Variants in DDHD1 observed in about 807,000 individuals in gnomAD.
DDHD1 encodes phospholipase DDHD1.
A neutral mutation model predicts 96.4 loss-of-function variants in DDHD1; 49 were observed. The ratio of observed to expected loss-of-function variants is 0.51; its 90% CI spans 0.40 to 0.64. DDHD1 has a LOEUF of 0.64. Among genes scored for constraint, DDHD1 ranks in the 30% least tolerant of loss-of-function variants. DDHD1 has a pLI of 0.00. For synonymous variants in DDHD1, 442 were observed against 446.5 expected, an observed-to-expected ratio of 0.99 and a Z score of 0.13; for missense variants, 1,106 against 1,161.2, an observed-to-expected ratio of 0.95 and a Z score of 0.69.
At chr14:53,057,764 G>T (rs945370062) in intron 9 of DDHD1, among the ~76,000 whole-genome samples, 2 of 152,124 alleles carry the variant, frequency 1.3e-5, no homozygotes, top group Admixed American at 1.3e-4. Context: ...TATCTCATGA[G>T]CCCTAAATTA....
At chr14:53,092,010 A>C (rs1886470225) in intron 3 of DDHD1, 78 bp from the exon 4 acceptor site, 1 of 1,416,546 alleles carries the variant, frequency 7.1e-7, no homozygotes, top group Middle Eastern at 1.9e-4. Context: ...AAGAAAAAAA[A>C]GAAGTAAAAG....
At chr14:53,128,764 A>T (rs1240186053) in intron 1 of DDHD1, among the ~76,000 whole-genome samples, 1 of 152,200 alleles carries the variant, frequency 6.6e-6, no homozygotes, top group East Asian at 1.9e-4. Context: ...TCTGAGCCCA[A>T]GCTGAGCCAT....
chr14:53,076,241 A>C (rs1884951339), intron 4 of DDHD1, among the ~76,000 whole-genome samples: 1 of 152,174 alleles, frequency 6.6e-6, no homozygotes, highest in Non-Finnish European at 1.5e-5. Flanking sequence ...TCAGTGATTC[A>C]TGGGGGGTGA....
At chr14:53,067,703 C>T (rs1566534044) in intron 6 of DDHD1, among the ~76,000 whole-genome samples, 2 of 152,306 alleles carry the variant, frequency 1.3e-5, no homozygotes, top group South Asian at 4.1e-4. Context: ...GTGATCCACC[C>T]GCCTTGGCCT....
chr14:53,104,564 T>C (rs1184957265), intron 1 of DDHD1, among the ~76,000 whole-genome samples: 3 of 152,132 alleles, frequency 2.0e-5, no homozygotes, highest in Non-Finnish European at 4.4e-5. Flanking sequence ...TAGAGGCTTC[T>C]AGTACATATA....
intron 1 of DDHD1, among the ~76,000 whole-genome samples, chr14:53,118,070 CCTGA>C (rs543930870): frequency 2.6e-4 from 39 of 152,278 alleles, no homozygotes; most frequent in African/African-American, 7.7e-4. Context: ...AGCTGAGGGA[CCTGA>C]CTGTCAGAAG....
chr14:53,153,163 A>C lies in DDHD1; in HGVS notation c.-65T>G. 1 of 1,200,464 alleles carries C rather than the reference A, an allele frequency of 8.3e-7. No homozygotes were observed. The highest frequency in any genetic ancestry group is 1.1e-6 in the Non-Finnish European group (1 of 924,894). 74.4% of individuals were successfully genotyped at this position (1,200,464 alleles called of 1,614,324 possible). A position where few individuals can be genotyped will look rare whatever the true frequency, so the allele number is the denominator to read the frequency against. On this transcript the variant is annotated 5_prime_UTR_variant, in exon 1 of 13. Coordinates refer to ENST00000673822, the MANE Select transcript of DDHD1 (RefSeq NM_001160148.2). The stretch of plus-strand genomic sequence containing the variant: ...CCGTGACCCCCAGCGCTTCCGCCAC[A>C]CATTCAACGCCGCCGCCCTCTCCAC...
rs1284477882 is a variant in DDHD1 at position 53,042,441 on chromosome 14, T to A, written c.*4327A>T. On this transcript the variant is annotated 3_prime_UTR_variant, in exon 13 of 13. Coordinates refer to ENST00000673822, the MANE Select transcript of DDHD1 (RefSeq NM_001160148.2). ...TTAGTTTTTCATGGAGTTTGCTGCC[T>A]TTCACTTCACTTTTCATGACCTTTA... 2 of 152,220 alleles carry A rather than the reference T, an allele frequency of 1.3e-5. No homozygotes were observed. The highest frequency in any genetic ancestry group is 2.9e-5 in the Non-Finnish European group (2 of 68,030). The allele number at this position is 152,220 out of a possible 1,614,324, so 9.4% of individuals were successfully genotyped here.
chr14:53,144,964 A>T (rs1890875481), intron 1 of DDHD1, among the ~76,000 whole-genome samples: 1 of 152,076 alleles, frequency 6.6e-6, no homozygotes, highest in African/African-American at 2.4e-5. Flanking sequence ...AGGCTTACCA[A>T]CATGGTGAAA....
chr14:53,092,685 A>G (rs561179415), intron 3 of DDHD1: 2 of 152,180 alleles, frequency 1.3e-5, no homozygotes, highest in Non-Finnish European at 2.9e-5. Flanking sequence ...TCTACAAAAA[A>G]ATAAAAAAAA....
At position 53,146,187 on chromosome 14, in the gene DDHD1, A is replaced by G. The variant is rs376785561; in HGVS notation, c.838+6074T>C. On this transcript the variant is annotated intron_variant, in intron 1 of 12. Coordinates refer to ENST00000673822, the MANE Select transcript of DDHD1 (RefSeq NM_001160148.2). ...CGCCATTGCACTTCAGCCTGGGCAA[A>G]TAAGAGTGAAACTCCATCTCAAAAC... Among the ~76,000 whole-genome samples the G allele has an allele frequency of 2.9e-5, 4 of 139,204 alleles. No homozygotes were observed. In the South Asian group the frequency reaches 9.2e-4, roughly 32 times the overall value. 91.3% of individuals were successfully genotyped at this position (139,204 alleles called of 152,430 possible). A position where few individuals can be genotyped will look rare whatever the true frequency, so the allele number is the denominator to read the frequency against.
intron 1 of DDHD1, among the ~76,000 whole-genome samples, chr14:53,149,513 T>C (rs142383689): frequency 5.3e-5 from 8 of 152,318 alleles, no homozygotes; most frequent in African/African-American, 1.9e-4. Flanking sequence ...TGTGAAAACT[T>C]ACACACAGAG....
rs1189947586 is a variant in DDHD1 at position 53,038,126 on chromosome 14, A to C, written c.*8642T>G. The C allele has an allele frequency of 6.6e-6, 1 of 152,138 alleles. No individual in the cohort carries two copies. The highest frequency in any genetic ancestry group is 1.5e-5 in the Non-Finnish European group (1 of 68,022). 9.4% of individuals were successfully genotyped at this position (152,138 alleles called of 1,614,324 possible). Reference sequence around the variant, plus strand: ...AAAAGCTGGAACTATTCCTTCTGAGAACTGGAATAAGAAGAGGATGCCCAG... The same window carrying C: ...AAAAGCTGGAACTATTCCTTCTGAGCACTGGAATAAGAAGAGGATGCCCAG... On this transcript the variant is annotated 3_prime_UTR_variant, in exon 13 of 13. Transcript: ENST00000673822.
intron 1 of DDHD1, among the ~76,000 whole-genome samples, chr14:53,142,467 A>C (rs930358812): frequency 2.0e-5 from 3 of 152,198 alleles, no homozygotes; most frequent in Admixed American, 6.5e-5. Context: ...TGGCAAAAAA[A>C]AAAAAAAAAC....
intron 1 of DDHD1, among the ~76,000 whole-genome samples, chr14:53,114,378 C>G (rs1344527625): frequency 6.6e-6 from 1 of 152,196 alleles, no homozygotes; most frequent in Non-Finnish European, 1.5e-5. Flanking sequence ...TACAGTGCAC[C>G]AGCTCTGCTA....
chr14:53,062,418 A>C (rs1168775449), intron 7 of DDHD1, among the ~76,000 whole-genome samples: 1 of 152,120 alleles, frequency 6.6e-6, no homozygotes, highest in East Asian at 1.9e-4. Context: ...GGAATGCAGC[A>C]AAGAATTAAA....
intron 2 of DDHD1, among the ~76,000 whole-genome samples, chr14:53,102,567 A>C (rs891379306): frequency 2.6e-5 from 4 of 152,098 alleles, no homozygotes; most frequent in African/African-American, 9.7e-5. Context: ...ATAGACTTTT[A>C]ATCAACTAGA....
chr14:53,114,648 A>G (rs1348065450), intron 1 of DDHD1, among the ~76,000 whole-genome samples: 1 of 152,228 alleles, frequency 6.6e-6, no homozygotes, highest in Non-Finnish European at 1.5e-5. Flanking sequence ...CCAGACTAAT[A>G]GAAGAAAAAC....
chr14:53,122,020 C>CTGAA (rs1294678429), intron 1 of DDHD1, among the ~76,000 whole-genome samples: 2 of 151,964 alleles, frequency 1.3e-5, no homozygotes, highest in African/African-American at 4.8e-5. Flanking sequence ...AATAATGGAG[C>CTGAA]TGAACTCTGT....
Sources: gnomAD v4.1 joint callset for allele counts (sites outside exome capture counted in the v4.1 genomes callset) on GRCh38, gnomAD v4.1.1 for gene constraint, MANE v1.5 for transcripts, NCBI Gene and HGNC (gene_info 2026-07-23, HGNC 2026-07-21) for gene names.